The following FHL5 variants were observed in gnomAD, a reference collection of about 807,000 sequenced individuals.
FHL5 encodes the protein four and a half LIM domains 5.
FHL5 carries 33 observed loss-of-function variants against 32.0 expected under a neutral mutation model. That is an observed-to-expected ratio of 1.03 (90% CI 0.78 to 1.38). FHL5 has a LOEUF of 1.38. Ranked by LOEUF, FHL5 falls within the 40% of genes most tolerant of loss-of-function variation. The pLI, the probability that FHL5 is intolerant of heterozygous loss-of-function variation, is 0.00. For synonymous variants in FHL5, 114 were observed against 113.6 expected (o/e 1.00, Z -0.02); for missense variants, 336 against 343.9 (o/e 0.98, Z 0.18).
intron 1 of FHL5, among the ~76,000 whole-genome samples, chr6:96,574,165 T>C (rs930043694): frequency 2.6e-5 from 4 of 152,212 alleles, no homozygotes; most frequent in Non-Finnish European, 4.4e-5. Context: ...TGACTTCTAG[T>C]ATTATTTTTA....
rs780097329 is a variant in FHL5, at chr6:96,596,376, C to A, written c.-12-7226C>A. Among the ~76,000 whole-genome samples the A allele has an allele frequency of 7.6e-4, 116 of 152,250 alleles. 1 individual carries two copies. The highest frequency in any genetic ancestry group is 1.4e-3 in the Non-Finnish European group (93 of 67,972). On this transcript the variant is annotated intron_variant, in intron 1 of 5. Coordinates refer to ENST00000450218, the MANE Select transcript of FHL5 (RefSeq NM_001322466.2). ...TTTCTAAGCTGTCAGCAATGAGCAT[C>A]TTGTCACTCACATTTTAACTCTGAA...
intron 4 of FHL5, among the ~76,000 whole-genome samples, chr6:96,608,401 G>T (rs929977881): frequency 2.6e-5 from 4 of 151,944 alleles, no homozygotes; most frequent in Admixed American, 2.0e-4. Flanking sequence ...AAAACCACAA[G>T]TCCTTTTCTA....
chr6:96,594,759 A>T (rs913831239), intron 1 of FHL5, among the ~76,000 whole-genome samples: 1 of 151,932 alleles, frequency 6.6e-6, no homozygotes, highest in East Asian at 1.9e-4. Context: ...CTATGAAATA[A>T]TTTTGTTTTA....
intron 4 of FHL5, among the ~76,000 whole-genome samples, chr6:96,609,189 T>C (rs1771345552): frequency 6.6e-6 from 1 of 152,216 alleles, no homozygotes; most frequent in Non-Finnish European, 1.5e-5. Flanking sequence ...GAATAATTTT[T>C]TCACAAGTCT....
rs1434905747 is a variant in FHL5, at chr6:96,592,992, T to C, written c.-12-10610T>C. Among the ~76,000 whole-genome samples the C allele has an allele frequency of 2.0e-5, 3 of 152,106 alleles. No individual in the cohort carries two copies. In the East Asian group the frequency reaches 5.8e-4, roughly 29 times the overall value. ...CAAATACAACTTGTATATTTTTCTCTTTTCTCATTCTCATTCTATCATCTA... is the reference window on the plus strand; with the variant it reads ...CAAATACAACTTGTATATTTTTCTCCTTTCTCATTCTCATTCTATCATCTA... On this transcript the variant is annotated intron_variant, in intron 1 of 5. Transcript: ENST00000450218.
chr6:96,592,524 T>C (rs1388965439), intron 1 of FHL5, among the ~76,000 whole-genome samples: 1 of 152,136 alleles, frequency 6.6e-6, no homozygotes, highest in African/African-American at 2.4e-5. Flanking sequence ...CACAGGGTCC[T>C]GAGGCAACAT....
intron 4 of FHL5, among the ~76,000 whole-genome samples, chr6:96,606,679 C>A (rs575414396): frequency 6.6e-6 from 1 of 152,062 alleles, no homozygotes; most frequent in Non-Finnish European, 1.5e-5. Context: ...CAAGATCTCA[C>A]GTATTCTGGG....
chr6:96,608,090 A>G (rs1350560739), intron 4 of FHL5, among the ~76,000 whole-genome samples: 3 of 152,328 alleles, frequency 2.0e-5, no homozygotes, highest in African/African-American at 7.2e-5. Flanking sequence ...TGAGTTGGCC[A>G]ATTTTAGGCT....
intron 5 of FHL5, among the ~76,000 whole-genome samples, chr6:96,611,675 CCTT>C (rs1771411413): frequency 6.6e-6 from 1 of 152,140 alleles, no homozygotes; most frequent in Non-Finnish European, 1.5e-5. Flanking sequence ...TCCCTTTCCT[CCTT>C]CTTCATCTTC....
intron 1 of FHL5, among the ~76,000 whole-genome samples, chr6:96,564,167 A>G (rs1770304741): frequency 6.6e-6 from 1 of 152,186 alleles, no homozygotes; most frequent in South Asian, 2.1e-4. Context: ...AACAAAATGC[A>G]TAGCTCTCAT....
In FHL5 at chr6:96,600,364, C is replaced by T. The variant is rs111804057; in HGVS notation, c.-12-3238C>T. Among the ~76,000 whole-genome samples, 124 of 152,268 alleles carry T rather than the reference C, an allele frequency of 8.1e-4. No homozygotes were observed. The East Asian group carries it at 0.011, about 13-fold the overall frequency. On this transcript the variant is annotated intron_variant, in intron 1 of 5. Coordinates refer to ENST00000450218, the MANE Select transcript of FHL5 (RefSeq NM_001322466.2). ...GTACCCAGGTGAAAATTTATTCTCA[C>T]GACTCAACATTTCCCATCTTCAAAT... is the stretch of plus-strand genomic sequence containing the variant.
At chr6:96,603,165 A>T (rs1217994692) in intron 1 of FHL5, among the ~76,000 whole-genome samples, 10 of 152,204 alleles carry the variant, frequency 6.6e-5, no homozygotes, top group African/African-American at 2.4e-4. Context: ...ATATTTGAGT[A>T]AAAAAGACTG....
intron 1 of FHL5, among the ~76,000 whole-genome samples, chr6:96,566,488 A>G (rs1770360359): frequency 6.6e-6 from 1 of 152,020 alleles, no homozygotes; most frequent in African/African-American, 2.4e-5. Context: ...TCTTTAACAT[A>G]CTGATTTCCT....
At chr6:96,611,578 C>A (rs77276372) in intron 5 of FHL5, among the ~76,000 whole-genome samples, 3,795 of 152,326 alleles carry the variant, frequency 0.025, 54 homozygotes, top group Non-Finnish European at 0.03. Context: ...TGTGTCAGAA[C>A]TGTATATCTA....
chr6:96,588,286 C>G (rs1338572804), intron 1 of FHL5, among the ~76,000 whole-genome samples: 1 of 152,216 alleles, frequency 6.6e-6, no homozygotes, highest in Admixed American at 6.5e-5. Context: ...TCTCGGCTCA[C>G]TGCAACCTCC....
intron 5 of FHL5, among the ~76,000 whole-genome samples, chr6:96,611,801 G>T (rs1411896458): frequency 6.6e-6 from 1 of 152,138 alleles, no homozygotes; most frequent in Non-Finnish European, 1.5e-5. Context: ...GGGAGGGAGG[G>T]TGTCACCAGA....
intron 5 of FHL5, among the ~76,000 whole-genome samples, chr6:96,611,886 A>G (rs1343940205): frequency 6.6e-6 from 1 of 152,194 alleles, no homozygotes; most frequent in African/African-American, 2.4e-5. Context: ...CACGGGCTAC[A>G]TCTGGCAAGC....
Position 96,610,626 on chromosome 6 carries a change from T to G in FHL5, c.559T>G (p.Phe187Val). ...TGACCAGCTATGGCATAAAGAGTGT[T>G]TTCTGTGTAGTGGCTGTAGGAAAGA... ...FCDQLWHKEC[F>V]LCSGCRKDLC... is the part of the protein sequence containing the mutation. The change falls in exon 5 of 6, where the codon TTT (phenylalanine) becomes GTT (valine). Residue 187 changes from phenylalanine to valine, a missense_variant. By Grantham distance (50) the Phe-to-Val change is conservative. Transcript: ENST00000450218. 1 of 1,613,994 alleles carries G rather than the reference T, an allele frequency of 6.2e-7. No individual in the cohort carries two copies. Among genetic ancestry groups the G allele is most frequent in the South Asian group, 1.1e-5 (1 of 91,076 alleles).
intron 1 of FHL5, among the ~76,000 whole-genome samples, chr6:96,600,195 T>C (rs907327870): frequency 6.6e-6 from 1 of 152,230 alleles, no homozygotes; most frequent in African/African-American, 2.4e-5. Flanking sequence ...CAGTTAGAAC[T>C]ACTTGCATTC....
Sources: gnomAD v4.1 joint callset for allele counts (sites outside exome capture counted in the v4.1 genomes callset) on GRCh38, gnomAD v4.1.1 for gene constraint, MANE v1.5 for transcripts, NCBI Gene and HGNC (gene_info 2026-07-23, HGNC 2026-07-21) for gene names.